The following CDH1 variants were observed in gnomAD, a reference collection of about 807,000 sequenced individuals.
CDH1 encodes the protein cadherin-1.
In CDH1, 35 loss-of-function variants were observed where a neutral mutation model predicts 84.5. The observed-to-expected ratio is 0.41, with a 90% CI of 0.32 to 0.55. The LOEUF (loss-of-function observed/expected upper bound fraction) is 0.55. CDH1 is among the 20% of genes least tolerant of loss of function. The pLI is 0.19. For synonymous variants in CDH1, 417 were observed against 439.0 expected, an observed-to-expected ratio of 0.95 and a Z score of 0.63; for missense variants, 994 against 1,126.6, an observed-to-expected ratio of 0.88 and a Z score of 1.68.
At chr16:68,764,984 A>G (rs1202051692) in intron 2 of CDH1, 1 of 152,068 alleles carries the variant, frequency 6.6e-6, no homozygotes, top group Non-Finnish European at 1.5e-5. Context: ...TGCAAACCCA[A>G]CTCCCTTATT....
At chr16:68,807,776 T>C (rs1960704236) in intron 3 of CDH1, among the ~76,000 whole-genome samples, 1 of 152,180 alleles carries the variant, frequency 6.6e-6, no homozygotes, top group Non-Finnish European at 1.5e-5. Context: ...GAGTATAATG[T>C]TGCTGTTAAA....
At chr16:68,740,983 G>C (rs1394198236) in intron 2 of CDH1, among the ~76,000 whole-genome samples, 1 of 151,968 alleles carries the variant, frequency 6.6e-6, no homozygotes, top group African/African-American at 2.4e-5. Flanking sequence ...TGGGGAATTA[G>C]TGTCCAATGT....
intron 2 of CDH1, among the ~76,000 whole-genome samples, chr16:68,763,083 T>C (rs562912575): frequency 1.3e-5 from 2 of 152,228 alleles, no homozygotes; most frequent in Admixed American, 1.3e-4. Flanking sequence ...AAAAGTAGCT[T>C]AATTTAAAGC....
chr16:68,823,662 T>C (rs1280739786), intron 13 of CDH1, 36 bp downstream of exon 13: 2 of 1,377,102 alleles, frequency 1.5e-6, no homozygotes, highest in Admixed American at 3.4e-5. Context: ...GCCTTTGACT[T>C]AAAAAAATGG....
intron 2 of CDH1, among the ~76,000 whole-genome samples, chr16:68,769,732 A>C (rs954460661): frequency 2.6e-5 from 4 of 151,080 alleles, no homozygotes; most frequent in Admixed American, 1.3e-4. Context: ...GTTCAAGACC[A>C]GCCCGGGCAA....
intron 2 of CDH1, among the ~76,000 whole-genome samples, chr16:68,758,234 TGAGAGAGA>T (rs1555511444): frequency 5.1e-5 from 6 of 116,922 alleles, no homozygotes; most frequent in Admixed American, 9.5e-5. Flanking sequence ...TTTTTTTTTT[TGAGAGAGA>T]GAGAGAGAGA....
chr16:68,786,724 A>G (rs924495671), intron 2 of CDH1, among the ~76,000 whole-genome samples: 20 of 151,866 alleles, frequency 1.3e-4, no homozygotes, highest in Non-Finnish European at 2.9e-5. Context: ...TGATAATGAA[A>G]AATGATGCTA....
At chr16:68,815,898 CT>C in intron 10 of CDH1, 139 bp downstream of exon 10, 1 of 1,061,472 alleles carries the variant, frequency 9.4e-7, no homozygotes, top group Non-Finnish European at 1.4e-6. Flanking sequence ...TTTTTATTCC[CT>C]TTATCTGTGC....
intron 2 of CDH1, among the ~76,000 whole-genome samples, chr16:68,761,394 G>A (rs911229491): frequency 2.0e-5 from 3 of 152,140 alleles, no homozygotes; most frequent in Non-Finnish European, 2.9e-5. Flanking sequence ...GCTTCTAGGT[G>A]CCCATCTCAC....
chr16:68,824,344 TC>T (rs1961262655), intron 13 of CDH1, among the ~76,000 whole-genome samples: 1 of 152,130 alleles, frequency 6.6e-6, no homozygotes, highest in South Asian at 2.1e-4. Flanking sequence ...ATGTTGCAGT[TC>T]CTTAGACCAT....
chr16:68,813,824 A>G (rs1960911644), intron 9 of CDH1, among the ~76,000 whole-genome samples: 1 of 152,044 alleles, frequency 6.6e-6, no homozygotes, highest in Non-Finnish European at 1.5e-5. Context: ...CTCAGCTACT[A>G]GGGAGGCTGA....
At chr16:68,759,173 C>T (rs1040733814) in intron 2 of CDH1, among the ~76,000 whole-genome samples, 12 of 152,190 alleles carry the variant, frequency 7.9e-5, no homozygotes, top group South Asian at 2.1e-4. Flanking sequence ...CTCCTCGGCT[C>T]GGGCAATCCT....
intron 15 of CDH1, 149 bp downstream of exon 15, chr16:68,829,946 T>C: frequency 1.4e-6 from 1 of 717,058 alleles, no homozygotes. Context: ...CCTTTTTCTT[T>C]TTTTTTCTTT....
At chr16:68,801,562 TTG>T (rs1960499026) in intron 2 of CDH1, 106 bp from the exon 3 acceptor site, 3 of 857,786 alleles carry the variant, frequency 3.5e-6, no homozygotes, top group Non-Finnish European at 4.1e-6. Flanking sequence ...TTTGTTTTGG[TTG>T]TGTTTGGTTT....
intron 2 of CDH1, among the ~76,000 whole-genome samples, chr16:68,767,826 A>G (rs1424335625): frequency 6.6e-6 from 1 of 152,184 alleles, no homozygotes; most frequent in East Asian, 1.9e-4. Flanking sequence ...CGGGTGTGGT[A>G]GTGTGCACTT....
At chr16:68,775,470 A>G (rs532126221) in intron 2 of CDH1, among the ~76,000 whole-genome samples, 3 of 152,218 alleles carry the variant, frequency 2.0e-5, no homozygotes, top group Admixed American at 6.5e-5. Flanking sequence ...AGAAGGGAAC[A>G]TGAGAAGAGA....
intron 2 of CDH1, among the ~76,000 whole-genome samples, chr16:68,762,967 T>C (rs1597858178): frequency 6.8e-6 from 1 of 147,498 alleles, no homozygotes; most frequent in Middle Eastern, 3.6e-3. Context: ...TGAGCTTAGA[T>C]GGATCTCTCT....
At chr16:68,765,541 G>A (rs1297704083) in intron 2 of CDH1, 2 of 152,102 alleles carry the variant, frequency 1.3e-5, no homozygotes, top group Non-Finnish European at 2.9e-5. Flanking sequence ...TAATCCATCT[G>A]GAGTTTGGTA....
chr16:68,759,415 A>G (rs1395562174), intron 2 of CDH1, among the ~76,000 whole-genome samples: 1 of 151,576 alleles, frequency 6.6e-6, no homozygotes, highest in Non-Finnish European at 1.5e-5. Context: ...CTGTTCATGT[A>G]TGATCTTGTT....
Sources: allele counts gnomAD v4.1 joint callset (sites outside exome capture counted in the v4.1 genomes callset), GRCh38; gene constraint gnomAD v4.1.1; transcripts MANE v1.5; gene names NCBI Gene and HGNC (gene_info 2026-07-23, HGNC 2026-07-21).